TSNARE1: variants seen among roughly 807,000 people sequenced by gnomAD.
TSNARE1 encodes the protein t-SNARE domain-containing protein 1.
Under a neutral mutation model 62.0 loss-of-function variants are expected in TSNARE1, and 49 were observed. The ratio of observed to expected loss-of-function variants is 0.79; its 90% confidence interval spans 0.63 to 1.00. The LOEUF (loss-of-function observed/expected upper bound fraction) is 1.00. Among genes scored for constraint, TSNARE1 ranks in the 50% least tolerant of loss-of-function variants. The pLI, the probability that TSNARE1 is intolerant of heterozygous loss-of-function variation, is 0.00. For missense variants in TSNARE1, 755 were observed against 700.1 expected (o/e 1.08, Z -0.88); for synonymous variants, 328 against 294.4 (o/e 1.11, Z -1.17).
At chr8:142,379,586 C>T (rs138080706) in intron 1 of TSNARE1, among the ~76,000 whole-genome samples, 126 of 152,346 alleles carry the variant, frequency 8.3e-4, no homozygotes, top group Non-Finnish European at 7.9e-4. Context: ...CAGGGTTCAA[C>T]GTGCCACAGG....
At chr8:142,228,868 G>A (rs1286918813) in intron 13 of TSNARE1, among the ~76,000 whole-genome samples, 4 of 152,148 alleles carry the variant, frequency 2.6e-5, no homozygotes. Flanking sequence ...AATGGTGGAT[G>A]GGTGGATAAT....
intron 1 of TSNARE1, among the ~76,000 whole-genome samples, chr8:142,382,409 G>A (rs557713322): frequency 7.2e-5 from 11 of 152,170 alleles, no homozygotes; most frequent in South Asian, 2.1e-4. Context: ...CCGGGAGGCC[G>A]GCCTCTGCCC....
chr8:142,265,364 C>T (rs1304828122), intron 12 of TSNARE1, among the ~76,000 whole-genome samples: 2 of 152,180 alleles, frequency 1.3e-5, no homozygotes, highest in East Asian at 1.9e-4. Context: ...ATGGCCTTTT[C>T]GAGACTGGCT....
At position 142,220,084 on chromosome 8, in the gene TSNARE1, G is replaced by A. The variant is rs542686747; in HGVS notation, c.*12-7771C>T. On this transcript the variant is annotated intron_variant, in intron 13 of 13. Coordinates refer to ENST00000524325, the MANE Select transcript of TSNARE1 (RefSeq NM_145003.5). The stretch of plus-strand genomic sequence containing the variant: ...GTGTCCCGCCTTGGGTCTCAGGTCC[G>A]CAAAGCAGAGTGCCTGCAGGGTAAC... Among the ~76,000 whole-genome samples, 6 of 152,332 alleles carry A rather than the reference G, an allele frequency of 3.9e-5. No homozygotes were observed. The East Asian group carries it at 5.8e-4, about 15-fold the overall frequency.
chr8:142,223,860 C>T (rs1375328144), intron 13 of TSNARE1, among the ~76,000 whole-genome samples: 3 of 149,870 alleles, frequency 2.0e-5, no homozygotes, highest in Non-Finnish European at 4.5e-5. Flanking sequence ...CAAGGGCTCA[C>T]CTCGCTTCTA....
intron 12 of TSNARE1, among the ~76,000 whole-genome samples, chr8:142,238,839 T>C (rs1393606328): frequency 7.2e-6 from 1 of 139,636 alleles, no homozygotes; most frequent in African/African-American, 2.7e-5. Context: ...TGTCTCCCCT[T>C]CCTCACCTGG....
intron 12 of TSNARE1, among the ~76,000 whole-genome samples, chr8:142,268,797 A>T (rs966554875): frequency 3.9e-5 from 6 of 152,156 alleles, no homozygotes; most frequent in African/African-American, 1.4e-4. Flanking sequence ...GCCTGCAGCC[A>T]TCCTGGGCCA....
At chr8:142,306,717 TGCATATCATCTC>T (rs1342057624) in intron 9 of TSNARE1, among the ~76,000 whole-genome samples, 1 of 152,232 alleles carries the variant, frequency 6.6e-6, no homozygotes, top group Non-Finnish European at 1.5e-5. Flanking sequence ...TGAACAGGGT[TGCATATCATCTC>T]ATCATTTATA....
Position 142,260,883 on chromosome 8 carries a change from A to G in TSNARE1, c.1446+13898T>C, listed in dbSNP as rs1043406578. 6.9e-5 allele frequency among the ~76,000 whole-genome samples: 10 copies of G among 144,884 alleles called. No homozygotes were observed. In the South Asian group the frequency reaches 2.3e-3, roughly 34 times the overall value. On this transcript the variant is annotated intron_variant, in intron 12 of 13. Transcript: ENST00000524325. ...GCAGCTGGGTCAGGGAGGGAAGGGA[A>G]GGTGAGGGCAGATCTTCTGATAAGC...
At chr8:142,392,807 A>G (rs902578766) in intron 1 of TSNARE1, among the ~76,000 whole-genome samples, 11 of 152,076 alleles carry the variant, frequency 7.2e-5, no homozygotes, top group Non-Finnish European at 1.3e-4. Flanking sequence ...GGGCATGGTG[A>G]CACATGCCTG....
At chr8:142,308,599 T>C (rs1370143581) in intron 9 of TSNARE1, among the ~76,000 whole-genome samples, 1 of 152,060 alleles carries the variant, frequency 6.6e-6, no homozygotes, top group Non-Finnish European at 1.5e-5. Flanking sequence ...GGTGTGTCCG[T>C]GGGCTGGTGT....
chr8:142,221,634 C>T (rs115161507), intron 13 of TSNARE1, among the ~76,000 whole-genome samples: 1 of 151,752 alleles, frequency 6.6e-6, no homozygotes, highest in African/African-American at 2.4e-5. Context: ...TTCACAAACT[C>T]ATTGACTCGT....
At chr8:142,260,970 G>GAGGAGAC (rs1818830348) in intron 12 of TSNARE1, among the ~76,000 whole-genome samples, 1 of 69,960 alleles carries the variant, frequency 1.4e-5, no homozygotes, top group African/African-American at 5.2e-5. Flanking sequence ...AGCAGTCAGG[G>GAGGAGAC]AGGGAGGGAG....
intron 12 of TSNARE1, among the ~76,000 whole-genome samples, chr8:142,258,662 T>C (rs1454675193): frequency 2.0e-5 from 3 of 152,016 alleles, no homozygotes; most frequent in Admixed American, 2.0e-4. Context: ...TTTTTGTAGT[T>C]GTATTAGAGA....
chr8:142,303,321 C>T (rs1314632663), intron 9 of TSNARE1, among the ~76,000 whole-genome samples: 1 of 152,146 alleles, frequency 6.6e-6, no homozygotes, highest in East Asian at 1.9e-4. Context: ...CAGTCACTGG[C>T]CCTGCCTGGC....
chr8:142,360,356 G>A (rs1361429658), intron 1 of TSNARE1, among the ~76,000 whole-genome samples: 3 of 152,170 alleles, frequency 2.0e-5, no homozygotes, highest in Admixed American at 6.5e-5. Context: ...AGCCACATGT[G>A]GCTGAGGGCC....
chr8:142,344,510 G>A (rs950695427), intron 3 of TSNARE1, 38 bp from the exon 4 acceptor site: 2 of 1,452,210 alleles, frequency 1.4e-6, no homozygotes, highest in Non-Finnish European at 1.8e-6. Context: ...TAAGGCCCTG[G>A]GCCTGTGGAG....
chr8:142,362,091 G>A (rs981826320), intron 1 of TSNARE1, among the ~76,000 whole-genome samples: 1 of 152,234 alleles, frequency 6.6e-6, no homozygotes, highest in Non-Finnish European at 1.5e-5. Flanking sequence ...GGATGGCCAC[G>A]CTGCAGCTCC....
chr8:142,393,051 C>A lies in TSNARE1; in HGVS notation c.-40+10053G>T, dbSNP rs568124308. On this transcript the variant is annotated intron_variant, in intron 1 of 13. Transcript: ENST00000524325. ...GATACTTTCTACTGGATGCTTCCTGCCATGTTTTAATTGTCAAACTACCTA... is the reference window on the plus strand; with the variant it reads ...GATACTTTCTACTGGATGCTTCCTGACATGTTTTAATTGTCAAACTACCTA... Among the ~76,000 whole-genome samples, 7 of 151,982 alleles carry A rather than the reference C, an allele frequency of 4.6e-5. No homozygotes were observed. The South Asian group carries it at 1.5e-3, about 32-fold the overall frequency.
Sources: gnomAD v4.1 joint callset for allele counts (sites outside exome capture counted in the v4.1 genomes callset) on GRCh38, gnomAD v4.1.1 for gene constraint, MANE v1.5 for transcripts, NCBI Gene and HGNC (gene_info 2026-07-23, HGNC 2026-07-21) for gene names.